Variants in RAB4A observed in about 807,000 individuals in gnomAD.
RAB4A encodes the protein ras-related protein Rab-4A.
Under a neutral mutation model 34.5 loss-of-function variants are expected in RAB4A, and 20 were observed. That is an observed-to-expected ratio of 0.58 (90% confidence interval 0.41 to 0.84). The LOEUF is 0.84. Among genes scored for constraint, RAB4A ranks in the 40% least tolerant of loss-of-function variants. The probability of loss-of-function intolerance (pLI) is 0.00; values close to 1 mark genes in which losing one functional copy is unlikely to be tolerated. For missense variants in RAB4A, 228 were observed against 274.5 expected (o/e 0.83, Z 1.20); for synonymous variants, 102 against 100.0 (o/e 1.02, Z -0.12).
At position 229,295,871 on chromosome 1, in the gene RAB4A, G is replaced by A. The variant is rs532123253; in HGVS notation, c.251G>A (p.Arg84Gln). The change falls in exon 4 of 8, where the codon CGA (arginine) becomes CAA (glutamine). Residue 84 changes from arginine to glutamine, a missense_variant. Arg to Gln is a conservative substitution (Grantham distance 43, BLOSUM62 1). Coordinates refer to ENST00000366690, the MANE Select transcript of RAB4A (RefSeq NM_004578.4). ...AGGTCCGTGACGAGAAGTTATTACCGAGGCGCGGCCGGGGCTCTCCTCGTC... is the reference window on the plus strand; with the variant it reads ...AGGTCCGTGACGAGAAGTTATTACCAAGGCGCGGCCGGGGCTCTCCTCGTC... ...RFRSVTRSYY[R>Q]GAAGALLVYD... 8.1e-6 allele frequency: 13 copies of A among 1,614,048 alleles called. No individual in the cohort carries two copies. Among genetic ancestry groups the A allele is most frequent in the African/African-American group, 1.3e-5 (1 of 75,020 alleles).
chr1:229,281,610 T>C (rs1008583490), intron 1 of RAB4A, among the ~76,000 whole-genome samples: 2 of 152,012 alleles, frequency 1.3e-5, no homozygotes, highest in Non-Finnish European at 2.9e-5. Flanking sequence ...TTGATGTATT[T>C]ATTCCATTTA....
intron 3 of RAB4A, among the ~76,000 whole-genome samples, chr1:229,294,591 G>A (rs1453977822): frequency 1.3e-5 from 2 of 152,344 alleles, no homozygotes; most frequent in African/African-American, 4.8e-5. Flanking sequence ...TGTAATCCCA[G>A]CACTTTGGGA....
intron 4 of RAB4A, among the ~76,000 whole-genome samples, chr1:229,296,610 G>A (rs748183949): frequency 6.6e-6 from 1 of 152,218 alleles, no homozygotes; most frequent in Non-Finnish European, 1.5e-5. Flanking sequence ...ATTCAGCAGT[G>A]CTGATCTCAG....
intron 1 of RAB4A, among the ~76,000 whole-genome samples, chr1:229,273,410 T>C (rs1656552472): frequency 1.3e-5 from 2 of 152,148 alleles, no homozygotes; most frequent in East Asian, 3.9e-4. Context: ...TTTCTTCTAA[T>C]AGAGGAAATT....
At chr1:229,274,196 G>A (rs1021447592) in intron 1 of RAB4A, among the ~76,000 whole-genome samples, 1 of 151,206 alleles carries the variant, frequency 6.6e-6, no homozygotes, top group Non-Finnish European at 1.5e-5. Context: ...GGGACCACAG[G>A]TGCATGCCAC....
intron 4 of RAB4A, 82 bp from the exon 5 acceptor site, chr1:229,297,400 G>T (rs140715076): frequency 1.4e-6 from 2 of 1,384,638 alleles, no homozygotes; most frequent in Non-Finnish European, 2.0e-6. Flanking sequence ...GTTGAAAAGC[G>T]GTATGAGTAG....
At chr1:229,279,796 A>G (rs962571839) in intron 1 of RAB4A, among the ~76,000 whole-genome samples, 2 of 152,078 alleles carry the variant, frequency 1.3e-5, no homozygotes, top group African/African-American at 4.8e-5. Context: ...TTTCCCTTCA[A>G]TCTTAATTCA....
At chr1:229,300,073 GTCAACCCTGGATGAGCA>G (rs1333119104) in intron 6 of RAB4A, among the ~76,000 whole-genome samples, 2 of 152,222 alleles carry the variant, frequency 1.3e-5, no homozygotes, top group African/African-American at 4.8e-5. Context: ...ATTACCAATT[GTCAACCCTGGATGAGCA>G]CTAGAGACAC....
intron 1 of RAB4A, among the ~76,000 whole-genome samples, chr1:229,275,689 C>T (rs141733865): frequency 0.021 from 3,099 of 148,236 alleles, 106 homozygotes; most frequent in African/African-American, 0.073. Context: ...GGCACAATCT[C>T]GGCTCACTGC....
intron 4 of RAB4A, among the ~76,000 whole-genome samples, chr1:229,296,169 T>C (rs237777): frequency 0.22 from 34,106 of 152,206 alleles, 4,110 homozygotes; most frequent in African/African-American, 0.32. Context: ...TTACATTACA[T>C]TTCTTGACAT....
chr1:229,301,879 T>C (rs1020406600), intron 6 of RAB4A, among the ~76,000 whole-genome samples: 23 of 151,980 alleles, frequency 1.5e-4, no homozygotes, highest in Admixed American at 1.4e-3. Context: ...ATAAGGTACA[T>C]ATATATAACA....
At position 229,305,222 on chromosome 1, in the gene RAB4A, G is replaced by T. The variant is rs1364612118; in HGVS notation, c.*1429G>T. On this transcript the variant is annotated 3_prime_UTR_variant, in exon 8 of 8. Transcript: ENST00000366690. ...TGCCTTGAATATTTTATTTCAAAAAGTATCTGAAGCAAATTCTCAGACTGA... is the reference window on the plus strand; with the variant it reads ...TGCCTTGAATATTTTATTTCAAAAATTATCTGAAGCAAATTCTCAGACTGA... The T allele has an allele frequency of 1.2e-6, 2 of 1,609,264 alleles. No individual in the cohort carries two copies. Among genetic ancestry groups the T allele is most frequent in the East Asian group, 4.5e-5 (2 of 44,716 alleles).
chr1:229,287,702 G>A (rs757507629), intron 2 of RAB4A, among the ~76,000 whole-genome samples: 1 of 151,954 alleles, frequency 6.6e-6, no homozygotes, highest in Non-Finnish European at 1.5e-5. Context: ...ATTTTTCCTG[G>A]TAGTTTACTC....
intron 6 of RAB4A, among the ~76,000 whole-genome samples, chr1:229,302,276 TATATATATATATATATATATATATATA>T (rs1657408690): frequency 1.1e-3 from 30 of 26,970 alleles, no homozygotes; most frequent in East Asian, 1.3e-3. Context: ...TATATATATA[TATATATATATATATATATATATATATA>T]TATATATTTT....
chr1:229,295,437 C>T (rs138622566), intron 3 of RAB4A, among the ~76,000 whole-genome samples: 22 of 152,226 alleles, frequency 1.4e-4, no homozygotes, highest in African/African-American at 5.3e-4. Flanking sequence ...ATGGATTCCA[C>T]CGCGCCGAGA....
chr1:229,286,346 T>C (rs1656923179), intron 1 of RAB4A, 140 bp from the exon 2 acceptor site: 2 of 586,430 alleles, frequency 3.4e-6, no homozygotes, highest in East Asian at 6.4e-5. Flanking sequence ...AACATATGTA[T>C]TGTCATTTCA....
chr1:229,298,581 T>C (rs1456626101), intron 5 of RAB4A, among the ~76,000 whole-genome samples: 1 of 152,224 alleles, frequency 6.6e-6, no homozygotes, highest in African/African-American at 2.4e-5. Flanking sequence ...CTAAAAAGTG[T>C]AAACACTTGT....
At chr1:229,302,495 T>C (rs1657440905) in intron 6 of RAB4A, among the ~76,000 whole-genome samples, 1 of 149,494 alleles carries the variant, frequency 6.7e-6, no homozygotes, top group Non-Finnish European at 1.5e-5. Flanking sequence ...ACTTGGACTT[T>C]TGGCCCATCT....
intron 6 of RAB4A, among the ~76,000 whole-genome samples, chr1:229,302,612 A>T (rs1303646825): frequency 6.6e-6 from 1 of 151,724 alleles, no homozygotes; most frequent in Non-Finnish European, 1.5e-5. Context: ...ATGCAATGAA[A>T]AGTCCCCCTG....
Sources: gnomAD v4.1 joint callset for allele counts (sites outside exome capture counted in the v4.1 genomes callset) on GRCh38, gnomAD v4.1.1 for gene constraint, MANE v1.5 for transcripts, NCBI Gene and HGNC (gene_info 2026-07-23, HGNC 2026-07-21) for gene names.